Variants in C7 observed in about 807,000 individuals in gnomAD.
C7 encodes complement C7.
C7 carries 83 observed loss-of-function variants against 104.8 expected under a neutral mutation model. The ratio of observed to expected loss-of-function variants is 0.79; its 90% CI spans 0.66 to 0.95. The LOEUF is 0.95. Among genes scored for constraint, C7 ranks in the 40% least tolerant of loss-of-function variants. The pLI is 0.00. For synonymous variants in C7, 415 were observed against 360.6 expected, an observed-to-expected ratio of 1.15 and a Z score of -1.71; for missense variants, 1,070 against 1,011.2, an observed-to-expected ratio of 1.06 and a Z score of -0.79.
At chr5:40,911,999 T>C (rs113081953) in intron 1 of C7, among the ~76,000 whole-genome samples, 6,314 of 151,972 alleles carry the variant, frequency 0.042, 440 homozygotes, top group African/African-American at 0.14. Flanking sequence ...CCACCTGCCT[T>C]GGCCTCCCAA....
intron 10 of C7, among the ~76,000 whole-genome samples, chr5:40,957,220 C>G (rs1285088334): frequency 1.3e-5 from 2 of 152,168 alleles, no homozygotes; most frequent in African/African-American, 4.8e-5. Context: ...CATTTCTGTT[C>G]CTGGGAGAGC....
chr5:40,954,210 G>A (rs1740238140), intron 9 of C7, among the ~76,000 whole-genome samples: 1 of 152,036 alleles, frequency 6.6e-6, no homozygotes, highest in Admixed American at 6.6e-5. Flanking sequence ...GCAATAAACT[G>A]TTTTCCTTCC....
At chr5:40,958,415 T>G (rs901093780) in intron 11 of C7, among the ~76,000 whole-genome samples, 154 bp downstream of exon 11, 45 of 152,210 alleles carry the variant, frequency 3.0e-4, no homozygotes, top group African/African-American at 1.1e-3. Flanking sequence ...AGATTATAGC[T>G]ACTGTGGTTA....
Position 40,979,918 on chromosome 5 carries a change from C to A in C7, c.2350+9C>A, listed in dbSNP as rs79210512. 1,729 of 1,561,414 alleles carry A rather than the reference C, an allele frequency of 1.1e-3. 18 individuals carry two copies. The African/African-American group carries it at 0.02, about 18-fold the overall frequency. ...GTGGGGAAAATGTGATGGTAAGGGG[C>A]CTTTCATATTTGTAAGTATAAGAAT... On this transcript the variant is annotated intron_variant, in intron 17 of 17. Transcript: ENST00000313164.
At chr5:40,914,924 C>T (rs919979555) in intron 1 of C7, among the ~76,000 whole-genome samples, 1 of 152,056 alleles carries the variant, frequency 6.6e-6, no homozygotes, top group Non-Finnish European at 1.5e-5. Context: ...TGCAGGGATC[C>T]CATGGCCCGC....
chr5:40,916,529 A>T (rs926275932), intron 1 of C7, among the ~76,000 whole-genome samples: 1 of 152,170 alleles, frequency 6.6e-6, no homozygotes, highest in African/African-American at 2.4e-5. Context: ...GTAGTCAGAG[A>T]GAACCGGAGT....
chr5:40,952,478 T>TTTTA (rs147016821), intron 9 of C7, among the ~76,000 whole-genome samples: 15,755 of 149,262 alleles, frequency 0.11, 979 homozygotes, highest in Admixed American at 0.18. Context: ...CTGTAATTCT[T>TTTTA]TTTATTTATT....
In C7 at chr5:40,915,354, A is replaced by AC. The variant is rs113385985; in HGVS notation, c.6+5741dup. Among the ~76,000 whole-genome samples the AC allele has an allele frequency of 7.4e-3, 1,129 of 152,262 alleles. 18 individuals are homozygous for AC. The highest frequency in any genetic ancestry group is 0.026 in the African/African-American group (1,084 of 41,562). ...GTCAGGTGGCGCAATTTTGAAGTGG[A>AC]CCCACTCCTCCCTCATTACAAGCAC... On this transcript the variant is annotated intron_variant, in intron 1 of 17. Coordinates refer to ENST00000313164, the MANE Select transcript of C7 (RefSeq NM_000587.4).
intron 14 of C7, among the ~76,000 whole-genome samples, chr5:40,967,106 G>A (rs1011064628): frequency 1.5e-4 from 22 of 143,906 alleles, no homozygotes; most frequent in Admixed American, 8.5e-4. Flanking sequence ...CTTGCTTATC[G>A]CCAGGCTGGA....
intron 7 of C7, 100 bp from the exon 8 acceptor site, chr5:40,947,502 A>T (rs1740075108): frequency 1.5e-6 from 2 of 1,315,084 alleles, no homozygotes; most frequent in Admixed American, 2.2e-5. Flanking sequence ...GTCTTGGTTG[A>T]TTGGAGATGA....
At chr5:40,914,640 A>G in intron 1 of C7, among the ~76,000 whole-genome samples, 1 of 152,130 alleles carries the variant, frequency 6.6e-6, no homozygotes, top group Non-Finnish European at 1.5e-5. Flanking sequence ...TGATTTTTGT[A>G]TAAGGTGAGA....
rs1410632518 is a variant in C7, at chr5:40,982,923, G to T, written c.*1350G>T. 1 of 152,346 alleles carries T rather than the reference G, an allele frequency of 6.6e-6. No homozygotes were observed. Among genetic ancestry groups the T allele is most frequent in the Non-Finnish European group, 1.5e-5 (1 of 68,038 alleles). The allele number at this position is 152,346 out of a possible 1,614,324, so 9.4% of individuals were successfully genotyped here. ...GACAAGGATTAGAACACTCATTAAAGATGCTATTCTTCAGAATTGTTTCAT... is the reference window on the plus strand; with the variant it reads ...GACAAGGATTAGAACACTCATTAAATATGCTATTCTTCAGAATTGTTTCAT... On this transcript the variant is annotated 3_prime_UTR_variant, in exon 18 of 18. Coordinates refer to ENST00000313164, the MANE Select transcript of C7 (RefSeq NM_000587.4).
intron 12 of C7, among the ~76,000 whole-genome samples, chr5:40,961,035 C>T (rs1257891885): frequency 6.6e-6 from 1 of 152,164 alleles, no homozygotes; most frequent in East Asian, 1.9e-4. Flanking sequence ...CTTAAACTTG[C>T]TTTCACCAAA....
Position 40,937,569 on chromosome 5 carries a change from G to T in C7, c.446G>T (p.Gly149Val). 2 of 1,608,782 alleles carry T rather than the reference G, an allele frequency of 1.2e-6. No individual in the cohort carries two copies. Among genetic ancestry groups the T allele is most frequent in the Admixed American group, 1.7e-5 (1 of 59,452 alleles). Residue 149 changes from glycine to valine, a missense_variant, in exon 6 of 18, where the codon GGC (glycine) becomes GTC (valine). Coordinates refer to ENST00000313164, the MANE Select transcript of C7 (RefSeq NM_000587.4). ...TTTAACAGTTACAATGAACTCACTG[G>T]CCAGTTTAGGAACAGAGTCATCAAT... ...LTGNGYNELT[G>V]QFRNRVINTK...
In C7 at chr5:40,962,076, T is replaced by C. The variant is rs1561254308; in HGVS notation, c.1662-9T>C. 1 of 1,471,254 alleles carries C rather than the reference T, an allele frequency of 6.8e-7. No individual in the cohort carries two copies. Among genetic ancestry groups the C allele is most frequent in the Admixed American group, 2.1e-5 (1 of 46,598 alleles). 91.1% of individuals were successfully genotyped at this position (1,471,254 alleles called of 1,614,324 possible). On this transcript the variant is annotated splice_polypyrimidine_tract_variant and intron_variant, in intron 12 of 17. Coordinates refer to ENST00000313164, the MANE Select transcript of C7 (RefSeq NM_000587.4). The stretch of plus-strand genomic sequence containing the variant: ...TCAATCACATTAATTACATTTTTTT[T>C]CCTTCCAGGTTGCTTGAACCACATT...
intron 17 of C7, among the ~76,000 whole-genome samples, chr5:40,980,724 C>T (rs111425867): frequency 9.8e-5 from 15 of 152,308 alleles, no homozygotes; most frequent in African/African-American, 2.6e-4. Context: ...ACTCTCTGCC[C>T]TCCTGGCCTG....
intron 1 of C7, among the ~76,000 whole-genome samples, chr5:40,916,335 G>A (rs1739315458): frequency 6.6e-6 from 1 of 152,136 alleles, no homozygotes; most frequent in Admixed American, 6.6e-5. Context: ...CCTCAGGAGT[G>A]TTTTAAACAT....
rs758144777 is a variant in C7, at chr5:40,945,278, A to G, written c.648A>G (p.Thr216=). 1 of 1,601,246 alleles carries G rather than the reference A, an allele frequency of 6.2e-7. No homozygotes were observed. Among genetic ancestry groups the G allele is most frequent in the Admixed American group, 1.7e-5 (1 of 59,000 alleles). The part of the protein sequence containing the change: ...SYVKHTSTEH[T]SSSRKRSFFR... The stretch of plus-strand genomic sequence containing the variant: ...TAAAACATACGTCGACAGAACACAC[A>G]TCATCTAGTCGGAAGCGCTCCTTTT... Residue 216 remains threonine, a synonymous_variant, in exon 7 of 18, where the codon ACA becomes ACG. Coordinates refer to ENST00000313164, the MANE Select transcript of C7 (RefSeq NM_000587.4).
intron 15 of C7, among the ~76,000 whole-genome samples, chr5:40,975,423 G>A (rs1020849180): frequency 6.6e-6 from 1 of 150,514 alleles, no homozygotes; most frequent in African/African-American, 2.5e-5. Context: ...GAGTGCAACG[G>A]CGCAATCTTG....
Sources: gnomAD v4.1 joint callset for allele counts (sites outside exome capture counted in the v4.1 genomes callset) on GRCh38, gnomAD v4.1.1 for gene constraint, MANE v1.5 for transcripts, NCBI Gene and HGNC (gene_info 2026-07-23, HGNC 2026-07-21) for gene names.